Variants in PLEKHA8 observed in about 807,000 individuals in gnomAD.
The protein encoded by PLEKHA8 is pleckstrin homology domain-containing family A member 8.
A neutral mutation model predicts 68.2 loss-of-function variants in PLEKHA8; 36 were observed. That is an observed-to-expected ratio of 0.53 (90% CI 0.40 to 0.70). The LOEUF (loss-of-function observed/expected upper bound fraction) is 0.70. PLEKHA8 is among the 30% of genes least tolerant of loss of function. The probability of loss-of-function intolerance (pLI) is 0.00; values close to 1 mark genes in which losing one functional copy is unlikely to be tolerated. For synonymous variants in PLEKHA8, 211 were observed against 216.1 expected (o/e 0.98, Z 0.20); for missense variants, 505 against 615.4 (o/e 0.82, Z 1.90).
chr7:30,080,493 CTCTT>C lies in PLEKHA8; in HGVS notation c.*1708_*1711del. ...AGATCTCTAGGATGGAGAGAATTCT[CTCTT>C]TAGTCAGAGAAGTTTATGTAGGGAG... On this transcript the variant is annotated 3_prime_UTR_variant, in exon 14 of 14. Transcript: ENST00000449726. 2 of 985,324 alleles carry C rather than the reference CTCTT, an allele frequency of 2.0e-6. No individual in the cohort carries two copies. Among genetic ancestry groups the C allele is most frequent in the Non-Finnish European group, 1.2e-6 (1 of 829,912 alleles). The allele number at this position is 985,324 out of a possible 1,614,324, so 61.0% of individuals were successfully genotyped here. A position where few individuals can be genotyped will look rare whatever the true frequency, so the allele number is the denominator to read the frequency against.
chr7:30,069,164 G>T (rs1466800818), intron 12 of PLEKHA8, among the ~76,000 whole-genome samples: 3 of 152,120 alleles, frequency 2.0e-5, no homozygotes, highest in Non-Finnish European at 4.4e-5. Flanking sequence ...AGGATCTTAG[G>T]GCAAGCACAC....
chr7:30,060,124 A>T (rs1230010784), intron 9 of PLEKHA8, among the ~76,000 whole-genome samples: 1 of 151,510 alleles, frequency 6.6e-6, no homozygotes, highest in Non-Finnish European at 1.5e-5. Context: ...TGACAGAGCG[A>T]GACTCCGTCC....
intron 9 of PLEKHA8, among the ~76,000 whole-genome samples, chr7:30,055,809 C>T (rs770697621): frequency 5.3e-5 from 8 of 152,040 alleles, no homozygotes; most frequent in South Asian, 2.1e-4. Flanking sequence ...GGACTATATG[C>T]GCATGCCCGG....
In PLEKHA8 at chr7:30,083,583, A is replaced by G. The variant is rs1264959031; in HGVS notation, c.*4796A>G. On this transcript the variant is annotated 3_prime_UTR_variant, in exon 14 of 14. Transcript: ENST00000449726. ...GTCATTAACAGTGCCTCTCTGGTAC[A>G]GTTGATGCATGCATTGATCTTTCTT... The G allele has an allele frequency of 1.0e-5, 10 of 985,290 alleles. No homozygotes were observed. Among genetic ancestry groups the G allele is most frequent in the Non-Finnish European group, 1.1e-5 (9 of 829,932 alleles). 61.0% of individuals were successfully genotyped at this position (985,290 alleles called of 1,614,324 possible).
intron 13 of PLEKHA8, chr7:30,074,930 G>T (rs925432521): frequency 6.6e-6 from 1 of 152,094 alleles, no homozygotes; most frequent in Non-Finnish European, 1.5e-5. Flanking sequence ...GGAGTAGATG[G>T]CTCCTTTATG....
rs149548208 is a variant in PLEKHA8, at chr7:30,074,246, TTGTGTGTGTGTG to T, written c.1362+130_1362+141del. 14 of 488,436 alleles carry T rather than the reference TTGTGTGTGTGTG, an allele frequency of 2.9e-5. No homozygotes were observed. In the East Asian group the frequency reaches 5.4e-4, roughly 19 times the overall value. 30.3% of individuals were successfully genotyped at this position (488,436 alleles called of 1,614,324 possible). ...CTAGTCATGATTGTCAGAAACAAAG[TTGTGTGTGTGTG>T]TGTGTGTGTGTGTGTATGTGTGGTG... On this transcript the variant is annotated intron_variant, in intron 13 of 13. Transcript: ENST00000449726.
At chr7:30,039,409 G>C (rs1791352184) in intron 1 of PLEKHA8, among the ~76,000 whole-genome samples, 1 of 152,142 alleles carries the variant, frequency 6.6e-6, no homozygotes, top group African/African-American at 2.4e-5. Context: ...CCACTACTCA[G>C]GAGGCTAAGG....
chr7:30,063,094 C>T (rs1460401878), intron 12 of PLEKHA8, among the ~76,000 whole-genome samples: 1 of 152,152 alleles, frequency 6.6e-6, no homozygotes, highest in African/African-American at 2.4e-5. Flanking sequence ...CAAAGAAAAG[C>T]TTGAACACCA....
chr7:30,039,223 T>C (rs1791336118), intron 1 of PLEKHA8, among the ~76,000 whole-genome samples: 1 of 152,198 alleles, frequency 6.6e-6, no homozygotes, highest in South Asian at 2.1e-4. Flanking sequence ...TTTTTAAAAA[T>C]TTATTCTTGG....
At chr7:30,028,961 C>G (rs1390478759) in intron 1 of PLEKHA8, among the ~76,000 whole-genome samples, 159 bp downstream of exon 1, 1 of 152,190 alleles carries the variant, frequency 6.6e-6, no homozygotes, top group Non-Finnish European at 1.5e-5. Flanking sequence ...CTCACGGGAC[C>G]GTGTCGCCGT....
At chr7:30,104,713 CTTTTTTTTTTTTT>C (rs34669397) in intron 13 of PLEKHA8, among the ~76,000 whole-genome samples, 1 of 102,864 alleles carries the variant, frequency 9.7e-6, no homozygotes, top group African/African-American at 3.6e-5. Context: ...GTCACAACAG[CTTTTTTTTTTTTT>C]TTTTTTTTTT....
chr7:30,097,372 C>T (rs1795660670), intron 13 of PLEKHA8, among the ~76,000 whole-genome samples: 1 of 152,140 alleles, frequency 6.6e-6, no homozygotes, highest in Non-Finnish European at 1.5e-5. Flanking sequence ...GAATGTTGGC[C>T]TGCCTTGCTA....
At position 30,074,094 on chromosome 7, in the gene PLEKHA8, C is replaced by T; in HGVS notation, c.1324C>T (p.Arg442Trp). 3.1e-6 allele frequency: 5 copies of T among 1,612,594 alleles called. No individual in the cohort carries two copies. The highest frequency in any genetic ancestry group is 1.3e-5 in the African/African-American group (1 of 74,918). The change falls in exon 13 of 14, where the codon CGG becomes TGG. Residue 442 changes from arginine to tryptophan, a missense_variant. Physicochemically the swap from Arg to Trp is moderately radical, Grantham distance 101. Transcript: ENST00000449726. ...AGATAATGCATATGGTAAAACATTGCGGCAACACCATGGCTGGGTAGTTCG... is the reference window on the plus strand; with the variant it reads ...AGATAATGCATATGGTAAAACATTGTGGCAACACCATGGCTGGGTAGTTCG... ...ALNNAYGKTLRQHHGWVVRGV... is the reference protein window; with the variant it reads ...ALNNAYGKTLWQHHGWVVRGV...
chr7:30,049,624 T>C (rs1044624983), intron 5 of PLEKHA8, among the ~76,000 whole-genome samples: 1 of 152,250 alleles, frequency 6.6e-6, no homozygotes, highest in African/African-American at 2.4e-5. Context: ...CAGTGAGTCT[T>C]GCCTAAAGTT....
chr7:30,068,724 G>C (rs926444084), intron 12 of PLEKHA8, among the ~76,000 whole-genome samples: 22 of 152,068 alleles, frequency 1.4e-4, no homozygotes. Flanking sequence ...GTATACAGAA[G>C]TTTCAGTTTT....
At chr7:30,111,012 C>T (rs1796256720) in intron 13 of PLEKHA8, among the ~76,000 whole-genome samples, 1 of 151,572 alleles carries the variant, frequency 6.6e-6, no homozygotes, top group African/African-American at 2.4e-5. Flanking sequence ...TCAAGCAATT[C>T]TCCTGCCTCA....
chr7:30,028,416 C>T lies in PLEKHA8; in HGVS notation c.-347C>T, dbSNP rs1387186145. 1.3e-5 allele frequency: 3 copies of T among 236,206 alleles called. No homozygotes were observed. The highest frequency in any genetic ancestry group is 5.7e-5 in the Admixed American group (1 of 17,620). The allele number at this position is 236,206 out of a possible 1,614,324, so 14.6% of individuals were successfully genotyped here. A position where few individuals can be genotyped will look rare whatever the true frequency, so the allele number is the denominator to read the frequency against. ...CGGCGAGTCGAGGGTTCAGGTGGTG[C>T]GCCGTGGCGCCGCCTGCGACCGGCA... is the stretch of plus-strand genomic sequence containing the variant. On this transcript the variant is annotated 5_prime_UTR_variant, in exon 1 of 14. Transcript: ENST00000449726.
Position 30,080,475 on chromosome 7 carries a change from T to C in PLEKHA8, c.*1688T>C. 5 of 985,254 alleles carry C rather than the reference T, an allele frequency of 5.1e-6. No individual in the cohort carries two copies. Among genetic ancestry groups the C allele is most frequent in the Non-Finnish European group, 6.0e-6 (5 of 829,872 alleles). The allele number at this position is 985,254 out of a possible 1,614,324, so 61.0% of individuals were successfully genotyped here. A position where few individuals can be genotyped will look rare whatever the true frequency, so the allele number is the denominator to read the frequency against. On this transcript the variant is annotated 3_prime_UTR_variant, in exon 14 of 14. Transcript: ENST00000449726. ...TGATGCTGTTCCTGCTGCAGATCTC[T>C]AGGATGGAGAGAATTCTCTCTTTAG... is the stretch of plus-strand genomic sequence containing the variant.
At chr7:30,049,790 C>G (rs562296894) in intron 5 of PLEKHA8, among the ~76,000 whole-genome samples, 2 of 152,266 alleles carry the variant, frequency 1.3e-5, no homozygotes, top group African/African-American at 2.4e-5. Flanking sequence ...TTAACCCCTT[C>G]CCACATTACC....
Sources: allele counts gnomAD v4.1 joint callset (sites outside exome capture counted in the v4.1 genomes callset), GRCh38; gene constraint gnomAD v4.1.1; transcripts MANE v1.5; gene names NCBI Gene and HGNC (gene_info 2026-07-23, HGNC 2026-07-21).